GPHN: variants seen among roughly 807,000 people sequenced by gnomAD.
GPHN encodes the protein gephyrin.
In GPHN, 17 loss-of-function variants were observed where a neutral mutation model predicts 95.5. The ratio of observed to expected loss-of-function variants is 0.18; its 90% CI spans 0.12 to 0.27. The LOEUF (loss-of-function observed/expected upper bound fraction) is 0.27. Among genes scored for constraint, GPHN ranks in the 10% least tolerant of loss-of-function variants. The pLI is 1.00. For missense variants in GPHN, 660 were observed against 978.1 expected, an observed-to-expected ratio of 0.67 and a Z score of 4.34; for synonymous variants, 320 against 322.5, an observed-to-expected ratio of 0.99 and a Z score of 0.08.
intron 2 of GPHN, among the ~76,000 whole-genome samples, chr14:66,734,219 A>T (rs1172389125): frequency 6.6e-6 from 1 of 152,130 alleles, no homozygotes; most frequent in Non-Finnish European, 1.5e-5. Flanking sequence ...AACATTCAGA[A>T]TGAAGTCCAG....
chr14:67,007,326 T>C (rs559599129), intron 9 of GPHN, among the ~76,000 whole-genome samples: 11 of 152,340 alleles, frequency 7.2e-5, no homozygotes, highest in African/African-American at 2.6e-4. Flanking sequence ...TTAATGTAAA[T>C]ACAGTAATTG....
the GPHN span, chr14:67,198,188 C>A: frequency 6.2e-7 from 1 of 1,613,594 alleles, no homozygotes; most frequent in Middle Eastern, 1.6e-4. Context: ...GCAAGACTAC[C>A]ATGAGGATCA....
chr14:66,609,651 T>G (rs2062700453), intron 1 of GPHN, among the ~76,000 whole-genome samples: 1 of 152,152 alleles, frequency 6.6e-6, no homozygotes, highest in African/African-American at 2.4e-5. Flanking sequence ...TTCCTTATTT[T>G]TGTCTAAGTT....
chr14:66,517,198 A>T (rs980881578), intron 1 of GPHN, among the ~76,000 whole-genome samples: 2 of 151,266 alleles, frequency 1.3e-5, no homozygotes, highest in Non-Finnish European at 3.0e-5. Flanking sequence ...ATGTAAAAAG[A>T]TGAAGGAACA....
At chr14:67,115,458 C>T (rs1319245734) in intron 16 of GPHN, among the ~76,000 whole-genome samples, 2 of 152,160 alleles carry the variant, frequency 1.3e-5, no homozygotes, top group East Asian at 1.9e-4. Flanking sequence ...TCAGGCCGGG[C>T]ATGGTTGCTC....
At chr14:67,233,415 A>G in the GPHN span, among the ~76,000 whole-genome samples, 1 of 152,166 alleles carries the variant, frequency 6.6e-6, no homozygotes, top group African/African-American at 2.4e-5. Context: ...ACACTTTTAA[A>G]AACCTGGTGG....
At chr14:66,537,801 A>T (rs1237443875) in intron 1 of GPHN, among the ~76,000 whole-genome samples, 1 of 152,060 alleles carries the variant, frequency 6.6e-6, no homozygotes, top group Non-Finnish European at 1.5e-5. Context: ...TTTGAAGGAA[A>T]AACTTATTGG....
chr14:66,943,103 C>T (rs2067525436), intron 8 of GPHN, among the ~76,000 whole-genome samples: 1 of 152,172 alleles, frequency 6.6e-6, no homozygotes. Flanking sequence ...TATGTTTACA[C>T]ATGGAATTTT....
intron 10 of GPHN, among the ~76,000 whole-genome samples, chr14:67,047,334 T>TGTGTGTG (rs2075075353): frequency 3.6e-5 from 4 of 109,708 alleles, no homozygotes; most frequent in African/African-American, 1.5e-4. Flanking sequence ...GTGTGTGTGT[T>TGTGTGTG]TGTGTGTGTG....
At chr14:67,251,506 C>T in the GPHN span, among the ~76,000 whole-genome samples, 7 of 152,146 alleles carry the variant, frequency 4.6e-5, no homozygotes, top group South Asian at 8.3e-4. Context: ...GCACTTCAGC[C>T]TGGTCAACAG....
intron 1 of GPHN, among the ~76,000 whole-genome samples, chr14:66,509,904 C>CTGAATT: frequency 6.6e-6 from 1 of 152,130 alleles, no homozygotes; most frequent in Non-Finnish European, 1.5e-5. Flanking sequence ...AATTTAGCTG[C>CTGAATT]TGAATTTTAT....
the GPHN span, among the ~76,000 whole-genome samples, chr14:67,434,921 G>A: frequency 6.6e-6 from 1 of 151,898 alleles, no homozygotes; most frequent in African/African-American, 2.4e-5. Flanking sequence ...TGCTGAGGGG[G>A]TGAGCATGCT....
intron 4 of GPHN, among the ~76,000 whole-genome samples, chr14:66,853,064 ACAGG>A (rs2062659980): frequency 6.6e-6 from 1 of 152,242 alleles, no homozygotes; most frequent in Admixed American, 6.5e-5. Flanking sequence ...ATGAAGAACC[ACAGG>A]CACTTGATTT....
chr14:67,531,009 C>T, the GPHN span, among the ~76,000 whole-genome samples: 1 of 152,364 alleles, frequency 6.6e-6, no homozygotes, highest in Middle Eastern at 3.4e-3. Context: ...TCTTCTTTCA[C>T]AAGAATGCCC....
At chr14:67,575,045 C>T in the GPHN span, among the ~76,000 whole-genome samples, 1 of 152,228 alleles carries the variant, frequency 6.6e-6, no homozygotes, top group African/African-American at 2.4e-5. Flanking sequence ...CCAAGGGCTT[C>T]AGCCTGCTGT....
chr14:67,606,432 T>G, the GPHN span, among the ~76,000 whole-genome samples: 11 of 152,214 alleles, frequency 7.2e-5, no homozygotes, highest in Non-Finnish European at 1.2e-4. Flanking sequence ...AAGCCAAGCT[T>G]GTGAGAAAGT....
chr14:67,284,429 T>TAAAA, the GPHN span, among the ~76,000 whole-genome samples: 4 of 92,678 alleles, frequency 4.3e-5, no homozygotes, highest in Middle Eastern at 4.2e-3. Context: ...CCCTATCTCT[T>TAAAA]AAAAAAAAAA....
chr14:67,224,835 G>T, the GPHN span: 1 of 292,554 alleles, frequency 3.4e-6, no homozygotes, highest in Non-Finnish European at 6.4e-6. Flanking sequence ...GGAATCCTAA[G>T]CAGCCAGGTT....
At chr14:66,563,457 T>A (rs539314728) in intron 1 of GPHN, among the ~76,000 whole-genome samples, 1 of 152,318 alleles carries the variant, frequency 6.6e-6, no homozygotes, top group South Asian at 2.1e-4. Context: ...CCTTTTCCTT[T>A]TAGCTCTCTA....
Sources: allele counts gnomAD v4.1 joint callset (sites outside exome capture counted in the v4.1 genomes callset), GRCh38; gene constraint gnomAD v4.1.1; transcripts MANE v1.5; gene names NCBI Gene and HGNC (gene_info 2026-07-23, HGNC 2026-07-21).